Variants in INVS observed in about 807,000 individuals in gnomAD.
INVS encodes the protein inversion of embryo turning homolog.
In INVS, 86 loss-of-function variants were observed where a neutral mutation model predicts 108.8. That is an observed-to-expected ratio of 0.79 (90% CI 0.66 to 0.95). The LOEUF (loss-of-function observed/expected upper bound fraction) is 0.95, where lower values mean the gene tolerates loss of function less well. INVS is among the 40% of genes least tolerant of loss of function. The pLI is 0.00. For synonymous variants in INVS, 455 were observed against 473.5 expected, an observed-to-expected ratio of 0.96 and a Z score of 0.51; for missense variants, 1,169 against 1,297.4, an observed-to-expected ratio of 0.90 and a Z score of 1.52.
chr9:100,252,187 A>T, intron 8 of INVS, 96 bp from the exon 9 acceptor site: 3 of 1,360,864 alleles, frequency 2.2e-6, no homozygotes, highest in Non-Finnish European at 2.1e-6. Context: ...ATTTATTCAA[A>T]ATGATGGGGA....
At chr9:100,279,033 A>T (rs1469416465) in intron 12 of INVS, among the ~76,000 whole-genome samples, 1 of 152,226 alleles carries the variant, frequency 6.6e-6, no homozygotes, top group East Asian at 1.9e-4. Context: ...TTTAGAGAAT[A>T]TTGGGAAGAA....
intron 7 of INVS, among the ~76,000 whole-genome samples, chr9:100,244,194 T>C (rs1309781425): frequency 6.6e-6 from 1 of 152,190 alleles, no homozygotes; most frequent in Non-Finnish European, 1.5e-5. Context: ...TAATAACTTA[T>C]TCAATTTACC....
At chr9:100,233,698 C>T (rs1044301524) in intron 5 of INVS, among the ~76,000 whole-genome samples, 4 of 152,090 alleles carry the variant, frequency 2.6e-5, no homozygotes, top group African/African-American at 9.7e-5. Flanking sequence ...GTTGAATCAG[C>T]CTTGCATCCC....
intron 1 of INVS, among the ~76,000 whole-genome samples, chr9:100,100,640 ATATATG>A (rs1826822791): frequency 1.8e-5 from 1 of 54,846 alleles, no homozygotes; most frequent in Non-Finnish European, 2.9e-5. Context: ...TATATATATT[ATATATG>A]TATATATAAT....
At chr9:100,199,830 T>G (rs6479006) in intron 3 of INVS, among the ~76,000 whole-genome samples, 1,849 of 152,124 alleles carry the variant, frequency 0.012, 18 homozygotes, top group African/African-American at 0.02. Context: ...ATTCACTGAG[T>G]TTCTTGGATA....
intron 3 of INVS, among the ~76,000 whole-genome samples, chr9:100,167,672 C>A (rs962816386): frequency 2.6e-5 from 4 of 152,100 alleles, no homozygotes; most frequent in African/African-American, 9.7e-5. Flanking sequence ...TCTTTTGCCC[C>A]ACTATAATAT....
intron 3 of INVS, among the ~76,000 whole-genome samples, chr9:100,132,730 TA>T (rs1828089884): frequency 6.6e-6 from 1 of 152,212 alleles, no homozygotes; most frequent in South Asian, 2.1e-4. Context: ...CTCTTCTCTT[TA>T]AAAATTACTG....
intron 3 of INVS, among the ~76,000 whole-genome samples, chr9:100,199,412 A>T (rs1436647220): frequency 6.6e-6 from 1 of 151,920 alleles, no homozygotes; most frequent in East Asian, 1.9e-4. Context: ...TTTTCATCTT[A>T]TTATTTTTAT....
intron 3 of INVS, among the ~76,000 whole-genome samples, chr9:100,132,300 G>A (rs1828078432): frequency 6.6e-6 from 1 of 152,108 alleles, no homozygotes; most frequent in Non-Finnish European, 1.5e-5. Context: ...TTAATATGAA[G>A]GGCATGGCCT....
At chr9:100,146,428 G>A (rs1264341929) in intron 3 of INVS, among the ~76,000 whole-genome samples, 1 of 152,144 alleles carries the variant, frequency 6.6e-6, no homozygotes, top group East Asian at 1.9e-4. Context: ...TTTTGTGGTG[G>A]AATGTCATCA....
chr9:100,213,223 G>A (rs930014304), intron 3 of INVS, among the ~76,000 whole-genome samples: 3 of 128,956 alleles, frequency 2.3e-5, no homozygotes, highest in African/African-American at 5.7e-5. Flanking sequence ...GGGTTGGGGG[G>A]ACATATATTC....
chr9:100,164,246 A>G (rs1269931096), intron 3 of INVS, among the ~76,000 whole-genome samples: 1 of 152,220 alleles, frequency 6.6e-6, no homozygotes, highest in East Asian at 1.9e-4. Flanking sequence ...CCTCATATTT[A>G]TACATGGTGT....
chr9:100,231,941 A>T (rs912144038), intron 5 of INVS, among the ~76,000 whole-genome samples: 1 of 152,154 alleles, frequency 6.6e-6, no homozygotes, highest in Non-Finnish European at 1.5e-5. Context: ...TGTCTTCCAC[A>T]ATGGTTGTAC....
At chr9:100,198,134 T>TA (rs1442295037) in intron 3 of INVS, among the ~76,000 whole-genome samples, 3 of 152,072 alleles carry the variant, frequency 2.0e-5, no homozygotes, top group Non-Finnish European at 4.4e-5. Flanking sequence ...CCCAATAATA[T>TA]CCTTAGGTAT....
At chr9:100,226,310 G>T in intron 4 of INVS, 75 bp downstream of exon 4, 1 of 1,301,360 alleles carries the variant, frequency 7.7e-7, no homozygotes, top group Non-Finnish European at 1.1e-6. Flanking sequence ...AAATTTCAAG[G>T]AAGAAGGCCT....
chr9:100,269,338 A>G (rs1478610950), intron 11 of INVS, among the ~76,000 whole-genome samples: 1 of 152,018 alleles, frequency 6.6e-6, no homozygotes, highest in Non-Finnish European at 1.5e-5. Context: ...GAGAAAGTAC[A>G]GTCAAGAAAG....
At chr9:100,138,388 A>T (rs1213188159) in intron 3 of INVS, among the ~76,000 whole-genome samples, 1 of 152,094 alleles carries the variant, frequency 6.6e-6, no homozygotes. Flanking sequence ...CTAGGGTGAC[A>T]AGAGCGAAAT....
intron 7 of INVS, 25 bp from the exon 8 acceptor site, chr9:100,246,591 T>C (rs1480001618): frequency 1.3e-6 from 2 of 1,583,250 alleles, no homozygotes; most frequent in Admixed American, 1.7e-5. Flanking sequence ...TTTGTCTCCA[T>C]TTTTTAAATC....
chr9:100,240,018 G>T, intron 5 of INVS, 42 bp from the exon 6 acceptor site: 3 of 1,512,830 alleles, frequency 2.0e-6, no homozygotes, highest in Non-Finnish European at 2.8e-6. Context: ...AATTTATTGA[G>T]GATTCCATGT....
Sources: allele counts gnomAD v4.1 joint callset (sites outside exome capture counted in the v4.1 genomes callset), GRCh38; gene constraint gnomAD v4.1.1; transcripts MANE v1.5; gene names NCBI Gene and HGNC (gene_info 2026-07-23, HGNC 2026-07-21).